RALYL: variants seen among roughly 807,000 people sequenced by gnomAD.
The protein encoded by RALYL is RALY RNA binding protein like.
RALYL carries 29 observed loss-of-function variants against 35.1 expected under a neutral mutation model. That is an observed-to-expected ratio of 0.83 (90% CI 0.61 to 1.13). RALYL has a LOEUF of 1.13. RALYL is among the 50% of genes most tolerant of loss of function. RALYL has a pLI of 0.00. For missense variants in RALYL, 359 were observed against 360.4 expected (o/e 1.00, Z 0.03); for synonymous variants, 120 against 127.6 (o/e 0.94, Z 0.40).
chr8:84,796,425 C>T (rs1423047840), intron 3 of RALYL, among the ~76,000 whole-genome samples: 1 of 152,068 alleles, frequency 6.6e-6, no homozygotes. Flanking sequence ...CATGAATATC[C>T]TTTCCCTATT....
chr8:84,420,080 C>G (rs1320689462), intron 1 of RALYL, among the ~76,000 whole-genome samples: 2 of 151,574 alleles, frequency 1.3e-5, no homozygotes, highest in Non-Finnish European at 2.9e-5. Context: ...ATGGCTGGGT[C>G]AAATGGTATT....
intron 2 of RALYL, among the ~76,000 whole-genome samples, chr8:84,683,831 C>T (rs549636776): frequency 1.3e-5 from 2 of 152,136 alleles, no homozygotes; most frequent in African/African-American, 2.4e-5. Context: ...GGATTATAGG[C>T]ATGTGCCACC....
Position 84,615,421 on chromosome 8 carries a change from T to C in RALYL, c.256+85844T>C, listed in dbSNP as rs562818744. ...CTATCAATGTCAGTATGTATTTATATACCATCTTATTCCAGAAAAGAATGA... is the reference window on the plus strand; with the variant it reads ...CTATCAATGTCAGTATGTATTTATACACCATCTTATTCCAGAAAAGAATGA... On this transcript the variant is annotated intron_variant, in intron 2 of 8. Transcript: ENST00000521268. Among the ~76,000 whole-genome samples, 64 of 151,458 alleles carry C rather than the reference T, an allele frequency of 4.2e-4. 1 individual carries two copies. Among genetic ancestry groups the C allele is most frequent in the African/African-American group, 1.5e-3 (60 of 41,008 alleles).
intron 1 of RALYL, among the ~76,000 whole-genome samples, chr8:84,258,873 A>G (rs1319869794): frequency 6.6e-6 from 1 of 152,086 alleles, no homozygotes; most frequent in Non-Finnish European, 1.5e-5. Flanking sequence ...CTTCCTTAAT[A>G]TTCCCAGGTG....
intron 1 of RALYL, among the ~76,000 whole-genome samples, chr8:84,371,122 A>G (rs1036952298): frequency 5.3e-5 from 8 of 151,932 alleles, no homozygotes; most frequent in Non-Finnish European, 1.2e-4. Flanking sequence ...GGAAGCCCCA[A>G]TGACAACCCC....
chr8:84,909,607 G>A (rs887902962), intron 8 of RALYL, among the ~76,000 whole-genome samples: 1 of 152,062 alleles, frequency 6.6e-6, no homozygotes, highest in Non-Finnish European at 1.5e-5. Flanking sequence ...AATAAAGGCT[G>A]TATGAACAAA....
chr8:84,704,480 C>CAACAACA (rs56942044), intron 2 of RALYL, among the ~76,000 whole-genome samples: 1 of 139,508 alleles, frequency 7.2e-6, no homozygotes. Flanking sequence ...CACACACACA[C>CAACAACA]ACAACAACTC....
At position 84,356,396 on chromosome 8, in the gene RALYL, T is replaced by C. The variant is rs201742747; in HGVS notation, c.-24+171972T>C. On this transcript the variant is annotated intron_variant, in intron 1 of 8. Coordinates refer to ENST00000521268, the MANE Select transcript of RALYL (RefSeq NM_173848.7). ...CATATCAAGAAGATCAAGAGGGTAG[T>C]TCCAAGACGATACACTGGTTCAGGC... Among the ~76,000 whole-genome samples the C allele has an allele frequency of 1.3e-4, 20 of 150,554 alleles. No individual in the cohort carries two copies. The East Asian group carries it at 3.9e-3, about 29-fold the overall frequency.
At chr8:84,218,217 G>A (rs1374558336) in intron 1 of RALYL, among the ~76,000 whole-genome samples, 1 of 151,948 alleles carries the variant, frequency 6.6e-6, no homozygotes, top group African/African-American at 2.4e-5. Context: ...AATTATGATA[G>A]GATTTAAGTC....
At chr8:84,526,482 C>G (rs1054823095) in intron 1 of RALYL, among the ~76,000 whole-genome samples, 3 of 152,168 alleles carry the variant, frequency 2.0e-5, no homozygotes, top group Non-Finnish European at 4.4e-5. Flanking sequence ...CTGGTAGGAA[C>G]TTGAATGATT....
intron 1 of RALYL, among the ~76,000 whole-genome samples, chr8:84,505,818 TTAA>T (rs1247308278): frequency 1.3e-5 from 2 of 152,158 alleles, no homozygotes; most frequent in African/African-American, 2.4e-5. Context: ...CATTAAAATT[TTAA>T]TAATATTATT....
chr8:84,314,288 G>T (rs1046699364), intron 1 of RALYL, among the ~76,000 whole-genome samples: 1 of 151,936 alleles, frequency 6.6e-6, no homozygotes, highest in Non-Finnish European at 1.5e-5. Context: ...TTTGGGTGGA[G>T]ATACAGAGCA....
At chr8:84,374,716 G>C (rs1418153152) in intron 1 of RALYL, among the ~76,000 whole-genome samples, 1 of 151,840 alleles carries the variant, frequency 6.6e-6, no homozygotes, top group Non-Finnish European at 1.5e-5. Context: ...TGAGGGTGGA[G>C]GGTGCAAGGA....
chr8:84,224,899 C>A (rs544490031), intron 1 of RALYL, among the ~76,000 whole-genome samples: 3 of 152,284 alleles, frequency 2.0e-5, no homozygotes, highest in Admixed American at 2.0e-4. Flanking sequence ...TCGTGCTCTG[C>A]CTGCCTTGGC....
At chr8:84,848,510 T>C (rs185076109) in intron 4 of RALYL, among the ~76,000 whole-genome samples, 127 of 152,050 alleles carry the variant, frequency 8.4e-4, no homozygotes, top group African/African-American at 3.0e-3. Flanking sequence ...GAAATTCTGA[T>C]ACATACTACA....
intron 1 of RALYL, among the ~76,000 whole-genome samples, chr8:84,507,518 A>T (rs529917519): frequency 6.6e-6 from 1 of 152,266 alleles, no homozygotes; most frequent in South Asian, 2.1e-4. Flanking sequence ...AGGAGGAAAT[A>T]AAAAGGTCTA....
intron 1 of RALYL, among the ~76,000 whole-genome samples, chr8:84,190,963 G>GGT (rs1423780728): frequency 2.3e-4 from 35 of 151,492 alleles, no homozygotes; most frequent in Admixed American, 2.0e-3. Flanking sequence ...AAGTATGTGG[G>GGT]GTGTGTGTGT....
chr8:84,698,998 G>T (rs984189141), intron 2 of RALYL, among the ~76,000 whole-genome samples: 1 of 133,114 alleles, frequency 7.5e-6, no homozygotes, highest in Admixed American at 8.0e-5. Context: ...TTTAAGATAG[G>T]TAGGTACATA....
chr8:84,468,079 G>A (rs912615843), intron 1 of RALYL, among the ~76,000 whole-genome samples: 2 of 150,932 alleles, frequency 1.3e-5, no homozygotes, highest in Non-Finnish European at 2.9e-5. Flanking sequence ...CACACTGATA[G>A]GTCTTGACTC....
Sources: allele counts gnomAD v4.1 joint callset (sites outside exome capture counted in the v4.1 genomes callset), GRCh38; gene constraint gnomAD v4.1.1; transcripts MANE v1.5; gene names NCBI Gene and HGNC (gene_info 2026-07-23, HGNC 2026-07-21).